CTNNA3: variants seen among roughly 807,000 people sequenced by gnomAD.
CTNNA3 encodes catenin alpha 3, also known as catenin alpha-3.
CTNNA3 carries 76 observed loss-of-function variants against 95.7 expected under a neutral mutation model. The observed-to-expected ratio is 0.79, with a 90% CI of 0.66 to 0.96. CTNNA3 has a LOEUF of 0.96. Ranked by LOEUF, CTNNA3 falls within the 40% of genes least tolerant of loss-of-function variation. The pLI, the probability that CTNNA3 is intolerant of heterozygous loss-of-function variation, is 0.00. For missense variants in CTNNA3, 1,191 were observed against 1,089.8 expected (o/e 1.09, Z -1.31); for synonymous variants, 431 against 374.4 (o/e 1.15, Z -1.74).
At chr10:67,237,120 G>GATA (rs1865501151) in intron 5 of CTNNA3, among the ~76,000 whole-genome samples, 1 of 15,660 alleles carries the variant, frequency 6.4e-5, no homozygotes, top group Non-Finnish European at 1.0e-4. Flanking sequence ...AGAAACTATG[G>GATA]TGTATGTATA....
chr10:66,930,727 T>A (rs923023416), intron 7 of CTNNA3, among the ~76,000 whole-genome samples: 1 of 152,110 alleles, frequency 6.6e-6, no homozygotes, highest in Admixed American at 6.5e-5. Flanking sequence ...GAATATAAAA[T>A]ATGATATAAC....
At chr10:66,373,732 T>C (rs2132470143) in intron 12 of CTNNA3, among the ~76,000 whole-genome samples, 1 of 152,372 alleles carries the variant, frequency 6.6e-6, no homozygotes, top group Admixed American at 6.5e-5. Flanking sequence ...GCACAGTTAC[T>C]ACCCCTTACA....
chr10:66,950,595 T>C (rs1202771679), intron 7 of CTNNA3, among the ~76,000 whole-genome samples: 1 of 152,084 alleles, frequency 6.6e-6, no homozygotes, highest in Non-Finnish European at 1.5e-5. Context: ...ATTTTATATA[T>C]TTTTAATAAA....
At chr10:67,343,282 T>C (rs1050542238) in intron 5 of CTNNA3, among the ~76,000 whole-genome samples, 1 of 152,182 alleles carries the variant, frequency 6.6e-6, no homozygotes, top group Non-Finnish European at 1.5e-5. Context: ...TTTTTCTATT[T>C]CTGTGAAGAA....
At chr10:67,501,161 G>T (rs189362826) in intron 5 of CTNNA3, among the ~76,000 whole-genome samples, 1 of 152,214 alleles carries the variant, frequency 6.6e-6, no homozygotes, top group East Asian at 1.9e-4. Context: ...CAGGCCTGGT[G>T]GTGACAAAAT....
intron 16 of CTNNA3, among the ~76,000 whole-genome samples, chr10:65,976,067 A>G (rs920352024): frequency 2.6e-5 from 4 of 152,184 alleles, no homozygotes; most frequent in African/African-American, 7.2e-5. Flanking sequence ...ATTGACAAAC[A>G]GAGAGGTTAA....
At chr10:67,714,855 A>G (rs990918606) in intron 1 of CTNNA3, among the ~76,000 whole-genome samples, 7 of 152,182 alleles carry the variant, frequency 4.6e-5, no homozygotes, top group African/African-American at 1.4e-4. Flanking sequence ...ATGGTTTTAA[A>G]AAGGAAAGTT....
chr10:65,932,180 A>C (rs145009992), intron 17 of CTNNA3, among the ~76,000 whole-genome samples: 2 of 152,222 alleles, frequency 1.3e-5, no homozygotes, highest in Admixed American at 6.5e-5. Flanking sequence ...TCCTCTGTTA[A>C]ATGGAAAACC....
chr10:67,207,566 A>G (rs963240829), intron 6 of CTNNA3, among the ~76,000 whole-genome samples: 1 of 152,076 alleles, frequency 6.6e-6, no homozygotes, highest in African/African-American at 2.4e-5. Flanking sequence ...TACCAGAAAA[A>G]CTAGGCAAGT....
At chr10:67,477,240 C>T (rs1327823805) in intron 5 of CTNNA3, among the ~76,000 whole-genome samples, 1 of 152,124 alleles carries the variant, frequency 6.6e-6, no homozygotes, top group African/African-American at 2.4e-5. Context: ...CTAGGCACAC[C>T]TCTCGGTGGA....
intron 13 of CTNNA3, among the ~76,000 whole-genome samples, chr10:66,111,803 C>T (rs182581707): frequency 3.3e-5 from 5 of 152,148 alleles, no homozygotes; most frequent in South Asian, 2.1e-4. Context: ...GCTTGTGTTA[C>T]GGTGGGATAT....
intron 13 of CTNNA3, among the ~76,000 whole-genome samples, chr10:66,115,384 G>T (rs550354960): frequency 1.1e-4 from 16 of 152,222 alleles, no homozygotes; most frequent in African/African-American, 3.9e-4. Context: ...ATGCGTAAAA[G>T]CTGTTACTTC....
In CTNNA3 at chr10:67,038,362, A is replaced by G. The variant is rs142088672; in HGVS notation, c.1047+141955T>C. On this transcript the variant is annotated intron_variant, in intron 7 of 17. Coordinates refer to ENST00000433211, the MANE Select transcript of CTNNA3 (RefSeq NM_013266.4). ...TAGTTTACTTAAGTCACTATATGTC[A>G]ATTAATATCATTTATGAGGAAAGAA... Among the ~76,000 whole-genome samples the G allele has an allele frequency of 3.5e-3, 535 of 152,196 alleles. 6 individuals carry two copies. Among genetic ancestry groups the G allele is most frequent in the African/African-American group, 0.013 (523 of 41,568 alleles).
chr10:66,942,255 C>G (rs1302086514), intron 7 of CTNNA3, among the ~76,000 whole-genome samples: 1 of 152,064 alleles, frequency 6.6e-6, no homozygotes, highest in African/African-American at 2.4e-5. Flanking sequence ...CATAAATTGC[C>G]AAGTCTGCAA....
At chr10:67,517,016 G>T (rs1165335809) in intron 5 of CTNNA3, among the ~76,000 whole-genome samples, 3 of 152,086 alleles carry the variant, frequency 2.0e-5, no homozygotes, top group African/African-American at 7.2e-5. Flanking sequence ...AGACACTTAG[G>T]TTGTTTCAAT....
intron 14 of CTNNA3, among the ~76,000 whole-genome samples, chr10:66,085,574 A>G (rs2080951536): frequency 6.6e-6 from 1 of 152,134 alleles, no homozygotes; most frequent in Non-Finnish European, 1.5e-5. Flanking sequence ...AAATAAATGA[A>G]AGAGAATATG....
intron 10 of CTNNA3, among the ~76,000 whole-genome samples, chr10:66,571,869 A>G (rs1040777909): frequency 1.3e-5 from 2 of 152,190 alleles, no homozygotes; most frequent in Non-Finnish European, 2.9e-5. Context: ...CCGAGGCACA[A>G]TGCAGATGAT....
intron 7 of CTNNA3, among the ~76,000 whole-genome samples, chr10:66,936,782 T>G (rs1409445353): frequency 1.3e-5 from 2 of 152,148 alleles, no homozygotes; most frequent in African/African-American, 4.8e-5. Flanking sequence ...CAGAGCTTTC[T>G]TGGTTTCTTA....
rs760199977 is a variant in CTNNA3 at position 67,001,654 on chromosome 10, C to G, written c.1047+178663G>C. Among the ~76,000 whole-genome samples, 38 of 152,012 alleles carry G rather than the reference C, an allele frequency of 2.5e-4. No homozygotes were observed. The Middle Eastern group carries it at 0.01, about 41-fold the overall frequency. ...AGAATAATTTTATAAAGAAAGTTACCACAAGACAACTTTAGTGGATCCTAA... is the reference window on the plus strand; with the variant it reads ...AGAATAATTTTATAAAGAAAGTTACGACAAGACAACTTTAGTGGATCCTAA... On this transcript the variant is annotated intron_variant, in intron 7 of 17. Transcript: ENST00000433211.
Sources: allele counts gnomAD v4.1 joint callset (sites outside exome capture counted in the v4.1 genomes callset), GRCh38; gene constraint gnomAD v4.1.1; transcripts MANE v1.5; gene names NCBI Gene and HGNC (gene_info 2026-07-23, HGNC 2026-07-21).